ITGA4: variants seen among roughly 807,000 people sequenced by gnomAD.
The protein encoded by ITGA4 is integrin alpha-4.
In ITGA4, 63 loss-of-function variants were observed where a neutral mutation model predicts 133.6. The ratio of observed to expected loss-of-function variants is 0.47; its 90% CI spans 0.38 to 0.58. The LOEUF is 0.58. Ranked by LOEUF, ITGA4 falls within the 20% of genes least tolerant of loss-of-function variation. The pLI, the probability that ITGA4 is intolerant of heterozygous loss-of-function variation, is 0.00. For synonymous variants in ITGA4, 483 were observed against 438.0 expected, an observed-to-expected ratio of 1.10 and a Z score of -1.28; for missense variants, 1,076 against 1,252.7, an observed-to-expected ratio of 0.86 and a Z score of 2.13.
At position 181,530,557 on chromosome 2, in the gene ITGA4, CAA is replaced by C. The variant is rs755310505; in HGVS notation, c.2574_2575del (p.Arg859SerfsTer25). ...TTGECHFENY[Q>X]RVCALEQQKS... ...TGGAGAATGCCACTTTGAAAATTAT[CAA>C]AGAGTGTGTGCATTAGAGCAGCAAA... On this transcript the variant is annotated frameshift_variant, in exon 24 of 28. Coordinates refer to ENST00000397033, the MANE Select transcript of ITGA4 (RefSeq NM_000885.6). LOFTEE classifies it high-confidence loss of function. 8.1e-6 allele frequency: 13 copies of C among 1,612,872 alleles called. No homozygotes were observed. The highest frequency in any genetic ancestry group is 1.1e-5 in the Non-Finnish European group (13 of 1,179,172).
intron 21 of ITGA4, among the ~76,000 whole-genome samples, 177 bp from the exon 22 acceptor site, chr2:181,527,120 G>A (rs1429889261): frequency 6.6e-6 from 1 of 151,994 alleles, no homozygotes; most frequent in Non-Finnish European, 1.5e-5. Context: ...ACAGGCATGA[G>A]CCACTGCTCC....
At chr2:181,513,172 C>G (rs1409916413) in intron 17 of ITGA4, among the ~76,000 whole-genome samples, 3 of 152,016 alleles carry the variant, frequency 2.0e-5, no homozygotes, top group African/African-American at 4.8e-5. Context: ...TCCCTCAGCC[C>G]TTTCTCTCAC....
chr2:181,471,984 A>G (rs1685562582), intron 2 of ITGA4, among the ~76,000 whole-genome samples: 1 of 151,158 alleles, frequency 6.6e-6, no homozygotes, highest in Non-Finnish European at 1.5e-5. Context: ...CTAATGATTT[A>G]GTGGCCCTTT....
rs2290517 is a variant in ITGA4, at chr2:181,538,660, T to G, written c.*3133T>G. 0.11 allele frequency among the ~76,000 whole-genome samples: 16,133 copies of G among 152,056 alleles called. 1,209 individuals are homozygous for G. The highest frequency in any genetic ancestry group is 0.22 in the East Asian group (1,134 of 5,176). On this transcript the variant is annotated 3_prime_UTR_variant, in exon 28 of 28. Transcript: ENST00000397033. ...AGTTGAATGCTCTGTAAAGGCCTAA[T>G]AAAAGCAAATTACTGAACAAAACAT...
At chr2:181,484,215 G>A (rs1392721884) in intron 9 of ITGA4, among the ~76,000 whole-genome samples, 1 of 152,302 alleles carries the variant, frequency 6.6e-6, no homozygotes, top group East Asian at 1.9e-4. Context: ...ATCAGGGCTT[G>A]GAAGAGTCCT....
chr2:181,527,810 T>C (rs1286216757), intron 22 of ITGA4, among the ~76,000 whole-genome samples: 1 of 152,200 alleles, frequency 6.6e-6, no homozygotes, highest in Non-Finnish European at 1.5e-5. Context: ...TTACCTCCCA[T>C]CTCCATTTAA....
rs148226735 is a variant in ITGA4 at position 181,537,889 on chromosome 2, C to T, written c.*2362C>T. 7,089 of 550,324 alleles carry T rather than the reference C, an allele frequency of 0.013. 70 individuals are homozygous for T. Among genetic ancestry groups the T allele is most frequent in the Non-Finnish European group, 0.019 (5,494 of 288,910 alleles). The allele number at this position is 550,324 out of a possible 1,614,324, so 34.1% of individuals were successfully genotyped here. On this transcript the variant is annotated 3_prime_UTR_variant, in exon 28 of 28. Transcript: ENST00000397033. ...ACAGCAGGAGGTTAGAGCAATGGAGCATTACTGAGTTCCTCCCCCTGTCAG... is the reference window on the plus strand; with the variant it reads ...ACAGCAGGAGGTTAGAGCAATGGAGTATTACTGAGTTCCTCCCCCTGTCAG...
chr2:181,479,813 G>A (rs62191408), intron 5 of ITGA4: 5,957 of 160,976 alleles, frequency 0.037, 188 homozygotes, highest in African/African-American at 0.088. Context: ...ACCCACATAC[G>A]ATTTTCTTTA....
intron 15 of ITGA4, among the ~76,000 whole-genome samples, chr2:181,506,214 T>C (rs558165486): frequency 1.5e-4 from 23 of 152,282 alleles, no homozygotes; most frequent in Non-Finnish European, 2.9e-4. Context: ...TTCAGTTTTC[T>C]TATTCCTTCC....
At chr2:181,482,093 A>G (rs1685817471) in intron 7 of ITGA4, among the ~76,000 whole-genome samples, 2 of 152,162 alleles carry the variant, frequency 1.3e-5, no homozygotes. Context: ...TCTGAGCCTT[A>G]CTTTTGAAAA....
chr2:181,529,344 A>G (rs983420120), intron 22 of ITGA4, among the ~76,000 whole-genome samples, 197 bp from the exon 23 acceptor site: 5 of 152,226 alleles, frequency 3.3e-5, no homozygotes, highest in African/African-American at 4.8e-5. Context: ...ACAATGACTC[A>G]TTTGAAATTA....
At chr2:181,532,371 T>C (rs1472545384) in intron 25 of ITGA4, among the ~76,000 whole-genome samples, 5 of 152,226 alleles carry the variant, frequency 3.3e-5, no homozygotes, top group East Asian at 3.8e-4. Context: ...ACGATATTGA[T>C]TCTTCCTATC....
chr2:181,459,284 G>A (rs2105707845), intron 2 of ITGA4: 1 of 148,096 alleles, frequency 6.8e-6, no homozygotes, highest in Middle Eastern at 3.4e-3. Context: ...TTTCTTCCAT[G>A]TATGTATCTT....
intron 7 of ITGA4, among the ~76,000 whole-genome samples, 166 bp downstream of exon 7, chr2:181,481,849 G>C (rs1408090684): frequency 6.6e-6 from 1 of 152,134 alleles, no homozygotes; most frequent in African/African-American, 2.4e-5. Flanking sequence ...GGTTTTAGAA[G>C]AAATTTAGCA....
chr2:181,507,841 C>A (rs955320639), intron 15 of ITGA4, among the ~76,000 whole-genome samples: 1 of 152,026 alleles, frequency 6.6e-6, no homozygotes, highest in African/African-American at 2.4e-5. Context: ...GTGGCTGAAC[C>A]CACAGATGTG....
In ITGA4 at chr2:181,473,701, C is replaced by T. The variant is rs764809286; in HGVS notation, c.320-1259C>T. On this transcript the variant is annotated intron_variant, in intron 2 of 27. Transcript: ENST00000397033. ...ATATTAGCCTTACCAGGCATAGTGG[C>T]TTATGCTGGTAATCCCAGCACTTTA... Among the ~76,000 whole-genome samples, 5 of 152,206 alleles carry T rather than the reference C, an allele frequency of 3.3e-5. No individual in the cohort carries two copies. The South Asian group carries it at 8.3e-4, about 25-fold the overall frequency.
chr2:181,458,885 T>C (rs1433045122), intron 2 of ITGA4: 1 of 152,646 alleles, frequency 6.6e-6, no homozygotes, highest in African/African-American at 2.4e-5. Context: ...AAAACCGTCA[T>C]CCAAAACTCA....
At chr2:181,506,468 A>G (rs1686395136) in intron 15 of ITGA4, among the ~76,000 whole-genome samples, 1 of 152,098 alleles carries the variant, frequency 6.6e-6, no homozygotes, top group Non-Finnish European at 1.5e-5. Context: ...TATGTAGATA[A>G]TAAGTGGTGG....
chr2:181,493,568 T>G (rs1440511434), intron 11 of ITGA4, 149 bp downstream of exon 11: 2 of 521,630 alleles, frequency 3.8e-6, no homozygotes, highest in Non-Finnish European at 6.8e-6. Flanking sequence ...GCAAATGATC[T>G]TATTTTAAGG....
Sources: gnomAD v4.1 joint callset for allele counts (sites outside exome capture counted in the v4.1 genomes callset) on GRCh38, gnomAD v4.1.1 for gene constraint, MANE v1.5 for transcripts, NCBI Gene and HGNC (gene_info 2026-07-23, HGNC 2026-07-21) for gene names.